Variants in PTPRD observed in about 807,000 individuals in gnomAD.
PTPRD encodes protein tyrosine phosphatase receptor type D, also known as receptor-type tyrosine-protein phosphatase delta.
In PTPRD, 34 loss-of-function variants were observed where a neutral mutation model predicts 214.5. That is an observed-to-expected ratio of 0.16 (90% CI 0.12 to 0.21). The LOEUF (loss-of-function observed/expected upper bound fraction) is 0.21. Ranked by LOEUF, PTPRD falls within the 10% of genes least tolerant of loss-of-function variation. PTPRD has a pLI of 1.00. For missense variants in PTPRD, 2,545 were observed against 2,398.7 expected (o/e 1.06, Z -1.27); for synonymous variants, 1,128 against 845.7 (o/e 1.33, Z -5.79).
At chr9:8,674,173 T>G (rs1352508586) in intron 12 of PTPRD, among the ~76,000 whole-genome samples, 3 of 152,020 alleles carry the variant, frequency 2.0e-5, no homozygotes, top group South Asian at 2.1e-4. Context: ...ATTCAAGCAT[T>G]TAAAAAGCCT....
intron 3 of PTPRD, among the ~76,000 whole-genome samples, chr9:10,247,526 G>C (rs2092293841): frequency 6.6e-6 from 1 of 152,036 alleles, no homozygotes; most frequent in Non-Finnish European, 1.5e-5. Context: ...AATACTTTAT[G>C]ATCCAACACT....
chr9:8,416,236 G>GA (rs1457821918), intron 35 of PTPRD, among the ~76,000 whole-genome samples: 1 of 151,898 alleles, frequency 6.6e-6, no homozygotes, highest in Admixed American at 6.6e-5. Context: ...TACTGTTAAA[G>GA]AAAAAACATG....
At chr9:9,939,525 C>A (rs906962226) in intron 4 of PTPRD, among the ~76,000 whole-genome samples, 2 of 152,128 alleles carry the variant, frequency 1.3e-5, no homozygotes, top group Admixed American at 1.3e-4. Flanking sequence ...TTATCTGAAT[C>A]TTCAAAACCA....
At chr9:8,379,059 G>A (rs889541765) in intron 37 of PTPRD, among the ~76,000 whole-genome samples, 1 of 151,986 alleles carries the variant, frequency 6.6e-6, no homozygotes, top group East Asian at 1.9e-4. Context: ...GCTAAAAGAA[G>A]AAAAAAGTTG....
At chr9:9,452,074 C>T (rs1436471521) in intron 8 of PTPRD, among the ~76,000 whole-genome samples, 1 of 151,266 alleles carries the variant, frequency 6.6e-6, no homozygotes, top group African/African-American at 2.4e-5. Flanking sequence ...ATGTCTCTAG[C>T]AGGAGAAACA....
At chr9:8,928,674 GCT>G (rs1397943877) in intron 11 of PTPRD, among the ~76,000 whole-genome samples, 1 of 152,048 alleles carries the variant, frequency 6.6e-6, no homozygotes. Context: ...GGCTATATGG[GCT>G]CTTTTTTTGT....
chr9:9,666,839 T>C (rs2096732308), intron 7 of PTPRD, among the ~76,000 whole-genome samples: 1 of 152,006 alleles, frequency 6.6e-6, no homozygotes, highest in African/African-American at 2.4e-5. Flanking sequence ...AGGGTAAATA[T>C]CACATTTTTC....
At chr9:9,732,216 T>G (rs1473874316) in intron 7 of PTPRD, among the ~76,000 whole-genome samples, 1 of 152,074 alleles carries the variant, frequency 6.6e-6, no homozygotes, top group Non-Finnish European at 1.5e-5. Flanking sequence ...CCTTATTAGC[T>G]TTGAGATTTC....
At chr9:9,893,427 G>A (rs2074025486) in intron 5 of PTPRD, among the ~76,000 whole-genome samples, 1 of 151,994 alleles carries the variant, frequency 6.6e-6, no homozygotes, top group Non-Finnish European at 1.5e-5. Flanking sequence ...TAATGAGATG[G>A]AGGAACATTT....
At position 10,456,089 on chromosome 9, in the gene PTPRD, T is replaced by C. The variant is rs559588004; in HGVS notation, c.-599-115072A>G. ...GTAGTCTTTGTCTATTACATAAAGA[T>C]GAAATACACAGATAGTTTGGGCTCA... On this transcript the variant is annotated intron_variant, in intron 2 of 45. Transcript: ENST00000381196. Among the ~76,000 whole-genome samples, 6 of 151,948 alleles carry C rather than the reference T, an allele frequency of 3.9e-5. No individual in the cohort carries two copies. The East Asian group carries it at 1.2e-3, about 29-fold the overall frequency.
chr9:8,691,277 G>A (rs16928268), intron 12 of PTPRD, among the ~76,000 whole-genome samples: 5 of 151,722 alleles, frequency 3.3e-5, no homozygotes, highest in Admixed American at 2.0e-4. Context: ...AAACATATGC[G>A]TATCCACTAT....
At chr9:9,020,778 A>C (rs1201184904) in intron 10 of PTPRD, among the ~76,000 whole-genome samples, 1 of 152,168 alleles carries the variant, frequency 6.6e-6, no homozygotes, top group Non-Finnish European at 1.5e-5. Flanking sequence ...TATATCTAAG[A>C]GAGTGAGTGG....
At position 9,268,285 on chromosome 9, in the gene PTPRD, T is replaced by C. The variant is rs1357267459; in HGVS notation, c.-202-84922A>G. On this transcript the variant is annotated intron_variant, in intron 9 of 45. Transcript: ENST00000381196. ...TACAACAGCATTAAAAGAATAAAAA[T>C]ACTTACGAATTAATTTAACTAGGGA... 2.7e-5 allele frequency among the ~76,000 whole-genome samples: 4 copies of C among 150,832 alleles called. No individual in the cohort carries two copies. The South Asian group carries it at 8.3e-4, about 31-fold the overall frequency.
intron 3 of PTPRD, among the ~76,000 whole-genome samples, chr9:10,244,853 T>TA (rs1217962378): frequency 1.3e-5 from 2 of 152,152 alleles, no homozygotes; most frequent in Admixed American, 1.3e-4. Flanking sequence ...GCTGCTTCTA[T>TA]ATTGACTTTT....
chr9:10,139,888 T>A (rs1042412097), intron 3 of PTPRD, among the ~76,000 whole-genome samples: 1 of 152,066 alleles, frequency 6.6e-6, no homozygotes, highest in Non-Finnish European at 1.5e-5. Context: ...TAAAATTAAC[T>A]TATGACAGAT....
At chr9:10,530,515 T>C (rs1444149820) in intron 2 of PTPRD, among the ~76,000 whole-genome samples, 1 of 152,108 alleles carries the variant, frequency 6.6e-6, no homozygotes, top group African/African-American at 2.4e-5. Flanking sequence ...CTAAGTATTA[T>C]TGTCAGAAAA....
intron 35 of PTPRD, among the ~76,000 whole-genome samples, chr9:8,412,747 C>G (rs1437151356): frequency 1.3e-5 from 2 of 152,146 alleles, no homozygotes; most frequent in Non-Finnish European, 2.9e-5. Context: ...ACTGAGGCAA[C>G]TGCTCAATTT....
chr9:9,391,708 G>A (rs2065898199), intron 9 of PTPRD, among the ~76,000 whole-genome samples: 1 of 152,090 alleles, frequency 6.6e-6, no homozygotes, highest in South Asian at 2.1e-4. Context: ...TATGTTTTCA[G>A]TTTTTATTAA....
In PTPRD at chr9:8,586,332, T is replaced by C. The variant is rs1037634413; in HGVS notation, c.352+46985A>G. Among the ~76,000 whole-genome samples, 4 of 152,266 alleles carry C rather than the reference T, an allele frequency of 2.6e-5. 1 individual carries two copies. The highest frequency in any genetic ancestry group is 6.5e-5 in the Admixed American group (1 of 15,288). The stretch of plus-strand genomic sequence containing the variant: ...ATAATAATTTATAATATCTTGTGTA[T>C]TATAAATAGACTCTATAACCAGCAT... On this transcript the variant is annotated intron_variant, in intron 14 of 45. Transcript: ENST00000381196.
Sources: gnomAD v4.1 joint callset for allele counts (sites outside exome capture counted in the v4.1 genomes callset) on GRCh38, gnomAD v4.1.1 for gene constraint, MANE v1.5 for transcripts, NCBI Gene and HGNC (gene_info 2026-07-23, HGNC 2026-07-21) for gene names.